SUMF2: variants seen among roughly 807,000 people sequenced by gnomAD.
SUMF2 encodes the protein sulfatase modifying factor 2.
Under a neutral mutation model 44.8 loss-of-function variants are expected in SUMF2, and 45 were observed. The observed-to-expected ratio is 1.00, with a 90% confidence interval of 0.79 to 1.29. The LOEUF is 1.29. Ranked by LOEUF, SUMF2 falls within the 50% of genes most tolerant of loss-of-function variation. The pLI is 0.00. For synonymous variants in SUMF2, 148 were observed against 150.4 expected (o/e 0.98, Z 0.12); for missense variants, 418 against 389.9 (o/e 1.07, Z -0.61).
chr7:56,077,124 G>A lies in SUMF2; in HGVS notation c.591+235G>A, dbSNP rs576419139. Among the ~76,000 whole-genome samples, 11 of 148,992 alleles carry A rather than the reference G, an allele frequency of 7.4e-5. No homozygotes were observed. The South Asian group carries it at 1.7e-3, about 23-fold the overall frequency. On this transcript the variant is annotated intron_variant, in intron 6 of 8. Coordinates refer to ENST00000434526, the MANE Select transcript of SUMF2 (RefSeq NM_015411.4). Reference sequence around the variant, plus strand: ...TGCAGTGGTGCGATCTTGGCTCACTGCAACCTCCGCCTCCCAGGTTCAAGC... The same window carrying A: ...TGCAGTGGTGCGATCTTGGCTCACTACAACCTCCGCCTCCCAGGTTCAAGC...
rs541211198 is a variant in SUMF2 at position 56,064,297 on chromosome 7, A to G, written c.-15A>G. 4.4e-6 allele frequency: 7 copies of G among 1,581,428 alleles called. No homozygotes were observed. In the South Asian group the frequency reaches 5.8e-5, roughly 13 times the overall value. On this transcript the variant is annotated 5_prime_UTR_variant, in exon 1 of 9. Coordinates refer to ENST00000434526, the MANE Select transcript of SUMF2 (RefSeq NM_015411.4). Reference sequence around the variant, plus strand: ...GCGGGGCCGTGGGTGTACGCGGCGCAGCGCGGCAGTCCTGATGGCCCGGCA... The same window carrying G: ...GCGGGGCCGTGGGTGTACGCGGCGCGGCGCGGCAGTCCTGATGGCCCGGCA...
chr7:56,078,206 T>C lies in SUMF2; in HGVS notation c.676+20T>C. On this transcript the variant is annotated intron_variant, in intron 7 of 8. Transcript: ENST00000434526. ...ACTACGGTAAGAGCTGTCTTGGGCT[T>C]GCGGCTGTGCCCATGAACTGGCTGT... The C allele has an allele frequency of 1.2e-6, 2 of 1,601,810 alleles. No homozygotes were observed. Among genetic ancestry groups the C allele is most frequent in the Non-Finnish European group, 8.5e-7 (1 of 1,170,334 alleles).
At position 56,079,639 on chromosome 7, in the gene SUMF2, G is replaced by A; in HGVS notation, c.*27G>A. 1 of 1,614,202 alleles carries A rather than the reference G, an allele frequency of 6.2e-7. No homozygotes were observed. The highest frequency in any genetic ancestry group is 8.5e-7 in the Non-Finnish European group (1 of 1,180,036). ...CAGCCGGGTGGTGACAAGGAGAAAAGCCTTCTAGGGTCACTGTCATTCCCT... is the reference window on the plus strand; with the variant it reads ...CAGCCGGGTGGTGACAAGGAGAAAAACCTTCTAGGGTCACTGTCATTCCCT... On this transcript the variant is annotated 3_prime_UTR_variant, in exon 9 of 9. Coordinates refer to ENST00000434526, the MANE Select transcript of SUMF2 (RefSeq NM_015411.4).
In SUMF2 at chr7:56,074,709, G is replaced by C; in HGVS notation, c.508G>C (p.Glu170Gln). ...ACGACTGCCCACGGAGGAAGAGTGG[G>C]AGTTTGCCGCCCGAGGGGGCTTGAA... ...GKRLPTEEEW[E>Q]FAARGGLKGQ... The change falls in exon 5 of 9, where the codon GAG becomes CAG. Residue 170 changes from glutamate (E) to glutamine (Q), a missense_variant. Coordinates refer to ENST00000434526, the MANE Select transcript of SUMF2 (RefSeq NM_015411.4). The C allele has an allele frequency of 1.2e-6, 2 of 1,614,166 alleles. No homozygotes were observed. Among genetic ancestry groups the C allele is most frequent in the Non-Finnish European group, 1.7e-6 (2 of 1,180,032 alleles).
the SUMF2 span, chr7:56,087,097 A>G: frequency 1.8e-6 from 2 of 1,133,032 alleles, no homozygotes; most frequent in Non-Finnish European, 2.7e-6. Flanking sequence ...CACGGGGGTC[A>G]GGGACCGAGG....
chr7:56,066,682 G>T (rs1478162973), intron 1 of SUMF2, among the ~76,000 whole-genome samples: 1 of 152,176 alleles, frequency 6.6e-6, no homozygotes, highest in African/African-American at 2.4e-5. Flanking sequence ...GTGCAGTGGC[G>T]TGATCTCGGC....
chr7:56,065,511 C>T (rs7793614), intron 1 of SUMF2, among the ~76,000 whole-genome samples: 33,446 of 152,110 alleles, frequency 0.22, 3,832 homozygotes, highest in East Asian at 0.4. Context: ...GAATTAGGGA[C>T]AAAATAAAGC....
In SUMF2 at chr7:56,066,423, A is replaced by C. The variant is rs150701231; in HGVS notation, c.67+2045A>C. ...TGCTCCTGTGGAATAAGGAGGTTGA[A>C]GCAAAGATCCTTTTTTATTTTTTAT... On this transcript the variant is annotated intron_variant, in intron 1 of 8. Coordinates refer to ENST00000434526, the MANE Select transcript of SUMF2 (RefSeq NM_015411.4). Among the ~76,000 whole-genome samples the C allele has an allele frequency of 3.2e-4, 48 of 152,292 alleles. 2 individuals carry two copies. The highest frequency in any genetic ancestry group is 1.1e-3 in the African/African-American group (46 of 41,570).
intron 2 of SUMF2, among the ~76,000 whole-genome samples, chr7:56,070,825 A>G (rs149621245): frequency 6.6e-6 from 1 of 152,312 alleles, no homozygotes; most frequent in Non-Finnish European, 1.5e-5. Flanking sequence ...ATCGATAAAA[A>G]GGGACAGACT....
chr7:56,087,529 C>A, the SUMF2 span: 2 of 1,509,986 alleles, frequency 1.3e-6, no homozygotes, highest in Non-Finnish European at 1.8e-6. Context: ...GGCCACACTC[C>A]CTGGCTTGGG....
chr7:56,065,516 TAAAG>T (rs1722094364), intron 1 of SUMF2, among the ~76,000 whole-genome samples: 1 of 152,344 alleles, frequency 6.6e-6, no homozygotes, highest in African/African-American at 2.4e-5. Context: ...AGGGACAAAA[TAAAG>T]CTCATACATT....
chr7:56,069,005 C>G (rs1794997755), intron 2 of SUMF2, among the ~76,000 whole-genome samples: 1 of 152,114 alleles, frequency 6.6e-6, no homozygotes, highest in Non-Finnish European at 1.5e-5. Flanking sequence ...AGCCACTGCA[C>G]TTGGCCTCAT....
intron 6 of SUMF2, among the ~76,000 whole-genome samples, chr7:56,077,543 C>T (rs1795645559): frequency 6.6e-6 from 1 of 151,216 alleles, no homozygotes; most frequent in South Asian, 2.1e-4. Flanking sequence ...CACCTGTAAT[C>T]CCAGCTGCTT....
chr7:56,067,128 C>G (rs574908849), intron 1 of SUMF2, among the ~76,000 whole-genome samples: 1 of 152,198 alleles, frequency 6.6e-6, no homozygotes, highest in Non-Finnish European at 1.5e-5. Context: ...GGCAGAGAAA[C>G]AGCATGAGCA....
At chr7:56,085,835 A>T in the SUMF2 span, among the ~76,000 whole-genome samples, 2 of 152,026 alleles carry the variant, frequency 1.3e-5, no homozygotes, top group African/African-American at 2.4e-5. Context: ...TTTGCTGGGC[A>T]TGGTGGTGGG....
chr7:56,085,691 G>A, the SUMF2 span, among the ~76,000 whole-genome samples: 1 of 152,170 alleles, frequency 6.6e-6, no homozygotes, highest in African/African-American at 2.4e-5. Flanking sequence ...CAGCCTGGGC[G>A]CAGTGGCTCA....
chr7:56,077,985 G>A (rs960063495), intron 6 of SUMF2, 117 bp from the exon 7 acceptor site: 46 of 816,004 alleles, frequency 5.6e-5, no homozygotes, highest in Non-Finnish European at 8.3e-5. Flanking sequence ...TCACCGCCCC[G>A]TGCCCTTCCC....
At chr7:56,078,604 C>T (rs552900471) in intron 8 of SUMF2, 96 bp downstream of exon 8, 6 of 1,363,768 alleles carry the variant, frequency 4.4e-6, no homozygotes, top group Admixed American at 3.0e-5. Flanking sequence ...CACCACCAAC[C>T]GTCTGTGTGT....
chr7:56,072,520 C>G (rs774470879), intron 2 of SUMF2, among the ~76,000 whole-genome samples: 4 of 151,604 alleles, frequency 2.6e-5, no homozygotes, highest in African/African-American at 4.8e-5. Context: ...GTCAGGAGTT[C>G]GAGACCAGCC....
Sources: allele counts gnomAD v4.1 joint callset (sites outside exome capture counted in the v4.1 genomes callset), GRCh38; gene constraint gnomAD v4.1.1; transcripts MANE v1.5; gene names NCBI Gene and HGNC (gene_info 2026-07-23, HGNC 2026-07-21).